Variants in DPH6 observed in about 807,000 individuals in gnomAD.
DPH6 encodes diphthine--ammonia ligase.
DPH6 carries 33 observed loss-of-function variants against 38.2 expected under a neutral mutation model. That is an observed-to-expected ratio of 0.86 (90% CI 0.65 to 1.15). The LOEUF (loss-of-function observed/expected upper bound fraction) is 1.15, where lower values mean the gene tolerates loss of function less well. Ranked by LOEUF, DPH6 falls within the 50% of genes most tolerant of loss-of-function variation. DPH6 has a pLI of 0.00. For synonymous variants in DPH6, 108 were observed against 103.0 expected, an observed-to-expected ratio of 1.05 and a Z score of -0.30; for missense variants, 325 against 320.0, an observed-to-expected ratio of 1.02 and a Z score of -0.12.
intron 3 of DPH6, among the ~76,000 whole-genome samples, chr15:35,511,618 A>G (rs2054773069): frequency 6.6e-6 from 1 of 152,124 alleles, no homozygotes; most frequent in African/African-American, 2.4e-5. Context: ...CAACACTTGC[A>G]CACACTCCTA....
Position 35,275,903 on chromosome 15 carries a change from A to C in DPH6, n.201-55321T>G, listed in dbSNP as rs1022275205. 3.9e-5 allele frequency among the ~76,000 whole-genome samples: 6 copies of C among 152,262 alleles called. No individual in the cohort carries two copies. In the East Asian group the frequency reaches 1.2e-3, roughly 29 times the overall value. On this transcript the variant is annotated intron_variant and non_coding_transcript_variant, in intron 3 of 3. Transcript: ENST00000560386. ...TTGCAATTGTGAATTGTGCTGCTGT[A>C]AACTTGCGTGTACAAGTATCTTTTT...
At chr15:35,220,109 A>C (rs2140383712) in exon 4 of DPH6, 1 of 152,344 alleles carries the variant, frequency 6.6e-6, no homozygotes, top group East Asian at 1.9e-4. Context: ...ATCCACATAC[A>C]CTACCACTAT....
At chr15:35,265,877 C>T (rs1219647764) in intron 3 of DPH6, among the ~76,000 whole-genome samples, 3 of 152,144 alleles carry the variant, frequency 2.0e-5, no homozygotes, top group Non-Finnish European at 4.4e-5. Context: ...ATTATAGTGT[C>T]ACTGATTCAA....
intron 3 of DPH6, among the ~76,000 whole-genome samples, chr15:35,281,422 T>C (rs1431443918): frequency 6.6e-6 from 1 of 152,208 alleles, no homozygotes; most frequent in East Asian, 1.9e-4. Flanking sequence ...TATTGACATA[T>C]TTTGACCCAA....
intron 3 of DPH6, among the ~76,000 whole-genome samples, chr15:35,364,017 C>T (rs1485781304): frequency 1.3e-5 from 2 of 151,844 alleles, no homozygotes; most frequent in Non-Finnish European, 2.9e-5. Context: ...TTAATATCTG[C>T]TTATATTTTC....
chr15:35,194,361 C>T, the DPH6 span, among the ~76,000 whole-genome samples: 1 of 140,416 alleles, frequency 7.1e-6, no homozygotes, highest in Non-Finnish European at 1.6e-5. Flanking sequence ...AGAGAGTCTT[C>T]CTTTTTCCAG....
Position 35,542,965 on chromosome 15 carries a change from T to TATATATAA in DPH6, c.24-459_24-458insTTATATAT, listed in dbSNP as rs58422347. On this transcript the variant is annotated intron_variant, in intron 1 of 8. Transcript: ENST00000256538. ...TAAGGAATATATATATATATATATA[T>TATATATAA]AAAATAATTTCATAGAAATTATTGG... Among the ~76,000 whole-genome samples the TATATATAA allele has an allele frequency of 4.5e-3, 346 of 76,162 alleles. 35 individuals carry two copies. The highest frequency in any genetic ancestry group is 0.04 in the South Asian group (69 of 1,706). The allele number at this position is 76,162 out of a possible 152,430, so 50.0% of individuals were successfully genotyped here.
intron 3 of DPH6, among the ~76,000 whole-genome samples, chr15:35,524,731 T>G (rs1280178391): frequency 6.6e-6 from 1 of 152,162 alleles, no homozygotes; most frequent in African/African-American, 2.4e-5. Flanking sequence ...AAGATAGTGC[T>G]ACATAAATTG....
At chr15:35,483,474 CAA>C (rs372002791) in intron 3 of DPH6, among the ~76,000 whole-genome samples, 88 of 123,832 alleles carry the variant, frequency 7.1e-4, no homozygotes, top group African/African-American at 2.2e-3. Context: ...AAAAAAAAAC[CAA>C]AAAAAAAAAA....
At chr15:35,179,206 A>C in the DPH6 span, among the ~76,000 whole-genome samples, 196 of 98,638 alleles carry the variant, frequency 2.0e-3, 1 homozygote, top group East Asian at 6.5e-3. Context: ...AACTCTGTCA[A>C]AAAAAAAAAA....
At chr15:35,273,753 G>C (rs1215372671) in intron 3 of DPH6, among the ~76,000 whole-genome samples, 1 of 152,160 alleles carries the variant, frequency 6.6e-6, no homozygotes, top group Non-Finnish European at 1.5e-5. Flanking sequence ...GGAAATAAGA[G>C]AGGACACAAA....
chr15:35,471,262 T>G (rs1424375040), intron 3 of DPH6, among the ~76,000 whole-genome samples: 4 of 152,154 alleles, frequency 2.6e-5, no homozygotes, highest in Non-Finnish European at 5.9e-5. Context: ...AACATAAGAC[T>G]CTCTCCACTC....
chr15:35,293,603 T>C lies in DPH6; in HGVS notation n.201-73021A>G, dbSNP rs764942959. Among the ~76,000 whole-genome samples, 113 of 152,190 alleles carry C rather than the reference T, an allele frequency of 7.4e-4. 3 individuals are homozygous for C. The highest frequency in any genetic ancestry group is 1.8e-4 in the Non-Finnish European group (12 of 68,034). On this transcript the variant is annotated intron_variant and non_coding_transcript_variant, in intron 3 of 3. Transcript: ENST00000560386. Reference sequence around the variant, plus strand: ...TAGTGTAGTTGCAAGAGGTGAGTCATTGAATTCCTTTGTGACAGAAAGATG... The same window carrying C: ...TAGTGTAGTTGCAAGAGGTGAGTCACTGAATTCCTTTGTGACAGAAAGATG...
At chr15:35,500,413 T>C (rs1181054608) in intron 3 of DPH6, among the ~76,000 whole-genome samples, 1 of 152,164 alleles carries the variant, frequency 6.6e-6, no homozygotes, top group East Asian at 1.9e-4. Flanking sequence ...ATTCACTACC[T>C]TTTCTCAGAA....
chr15:35,226,811 T>G (rs1325397219), intron 3 of DPH6, among the ~76,000 whole-genome samples: 1 of 152,156 alleles, frequency 6.6e-6, no homozygotes, highest in Non-Finnish European at 1.5e-5. Context: ...TTTGTCTGGT[T>G]TTGGTATCAG....
intron 3 of DPH6, among the ~76,000 whole-genome samples, chr15:35,264,264 T>C (rs888191280): frequency 6.6e-6 from 1 of 152,196 alleles, no homozygotes; most frequent in Non-Finnish European, 1.5e-5. Context: ...TATCTGCTTA[T>C]TAGGAATTAG....
the DPH6 span, among the ~76,000 whole-genome samples, chr15:35,185,883 C>T: frequency 6.5e-4 from 99 of 151,396 alleles, 2 homozygotes; most frequent in East Asian, 0.019. Context: ...CGGGCGCCCG[C>T]CACCACGCCC....
chr15:35,319,342 A>C (rs1333563273), intron 3 of DPH6, among the ~76,000 whole-genome samples: 1 of 152,202 alleles, frequency 6.6e-6, no homozygotes, highest in Non-Finnish European at 1.5e-5. Context: ...AAAAAATCTT[A>C]AGATTATATT....
At chr15:35,260,228 C>T (rs2051737275) in intron 3 of DPH6, among the ~76,000 whole-genome samples, 1 of 152,082 alleles carries the variant, frequency 6.6e-6, no homozygotes, top group South Asian at 2.1e-4. Flanking sequence ...CTGCCTCAGG[C>T]TCCCGAGTAG....
Sources: allele counts gnomAD v4.1 joint callset (sites outside exome capture counted in the v4.1 genomes callset), GRCh38; gene constraint gnomAD v4.1.1; transcripts MANE v1.5; gene names NCBI Gene and HGNC (gene_info 2026-07-23, HGNC 2026-07-21).